The following ADAMTS12 variants were observed in gnomAD, a reference collection of about 807,000 sequenced individuals.
The protein encoded by ADAMTS12 is A disintegrin and metalloproteinase with thrombospondin motifs 12.
ADAMTS12 carries 118 observed loss-of-function variants against 167.8 expected under a neutral mutation model. That is an observed-to-expected ratio of 0.70 (90% CI 0.61 to 0.82). The LOEUF (loss-of-function observed/expected upper bound fraction) is 0.82. ADAMTS12 is among the 40% of genes least tolerant of loss of function. The pLI is 0.00. For synonymous variants in ADAMTS12, 704 were observed against 716.9 expected (o/e 0.98, Z 0.29); for missense variants, 1,916 against 1,998.8 (o/e 0.96, Z 0.79).
chr5:33,795,090 G>A (rs1373719697), intron 2 of ADAMTS12, among the ~76,000 whole-genome samples: 2 of 152,170 alleles, frequency 1.3e-5, no homozygotes, highest in Admixed American at 1.3e-4. Context: ...ATTTTATTTG[G>A]AAACTACATG....
At position 33,683,044 on chromosome 5, in the gene ADAMTS12, G is replaced by T; in HGVS notation, c.889C>A (p.Arg297=). ...IGNAIHIVVV[R]LILLEEEEQG... ...TCTTCTTCTTCGAGTAGAATGAGCC[G>T]AACCACAACAATGTGAATTGCATTG... The change falls in exon 5 of 24, where the codon CGG becomes AGG. Residue 297 remains arginine, a synonymous_variant. Coordinates refer to ENST00000504830, the MANE Select transcript of ADAMTS12 (RefSeq NM_030955.4). 6.2e-7 allele frequency: 1 copy of T among 1,613,064 alleles called. No homozygotes were observed. The highest frequency in any genetic ancestry group is 8.5e-7 in the Non-Finnish European group (1 of 1,179,550).
intron 16 of ADAMTS12, among the ~76,000 whole-genome samples, chr5:33,613,330 T>C (rs1738825832): frequency 6.6e-6 from 1 of 152,234 alleles, no homozygotes; most frequent in African/African-American, 2.4e-5. Context: ...CAGCAGGCCC[T>C]GACCCCTGCC....
intron 12 of ADAMTS12, among the ~76,000 whole-genome samples, chr5:33,635,415 G>A (rs1208834381): frequency 2.0e-5 from 3 of 152,156 alleles, no homozygotes; most frequent in Admixed American, 6.5e-5. Flanking sequence ...TGATGAGGCT[G>A]CAGAGTCAGG....
intron 18 of ADAMTS12, among the ~76,000 whole-genome samples, chr5:33,585,079 A>C (rs970636473): frequency 2.8e-5 from 4 of 144,236 alleles, no homozygotes; most frequent in Non-Finnish European, 4.6e-5. Context: ...CCATCCATCC[A>C]TCCCTCCAAG....
chr5:33,856,550 A>G (rs1463870528), intron 2 of ADAMTS12, among the ~76,000 whole-genome samples: 2 of 152,074 alleles, frequency 1.3e-5, no homozygotes, highest in African/African-American at 4.8e-5. Flanking sequence ...TGAGCCCAAG[A>G]GTTCAAGTCC....
chr5:33,872,483 G>A (rs1750075878), intron 2 of ADAMTS12, among the ~76,000 whole-genome samples: 1 of 151,690 alleles, frequency 6.6e-6, no homozygotes. Flanking sequence ...GGAGGCAGAG[G>A]TTGCAGTGAG....
intron 2 of ADAMTS12, among the ~76,000 whole-genome samples, chr5:33,876,121 A>C (rs1750216242): frequency 6.6e-6 from 1 of 152,224 alleles, no homozygotes; most frequent in Non-Finnish European, 1.5e-5. Context: ...GTTGAAAACT[A>C]CACAACACTG....
chr5:33,527,470 A>G (rs1579620885), intron 23 of ADAMTS12, 104 bp from the exon 24 acceptor site: 3 of 1,146,404 alleles, frequency 2.6e-6, no homozygotes. Context: ...CTACCAAGAA[A>G]GGAGCCATAA....
intron 9 of ADAMTS12, among the ~76,000 whole-genome samples, chr5:33,646,441 G>A (rs1740666195): frequency 6.6e-6 from 1 of 152,058 alleles, no homozygotes; most frequent in Non-Finnish European, 1.5e-5. Flanking sequence ...TTGAGTGAAA[G>A]GGTGACCTGA....
intron 19 of ADAMTS12, among the ~76,000 whole-genome samples, chr5:33,563,747 A>T (rs1016756730): frequency 1.3e-4 from 20 of 152,254 alleles, no homozygotes; most frequent in Admixed American, 7.8e-4. Flanking sequence ...ACCCATGCAC[A>T]CTGCATAGCA....
chr5:33,728,945 CAT>C (rs1324985952), intron 3 of ADAMTS12, among the ~76,000 whole-genome samples: 2 of 152,142 alleles, frequency 1.3e-5, no homozygotes, highest in African/African-American at 4.8e-5. Context: ...CATGATATAT[CAT>C]ATGCATATAT....
intron 2 of ADAMTS12, among the ~76,000 whole-genome samples, chr5:33,799,739 G>C (rs139823960): frequency 6.6e-6 from 1 of 152,290 alleles, no homozygotes; most frequent in East Asian, 1.9e-4. Flanking sequence ...ATAGTTGAGT[G>C]AATATCTGAA....
In ADAMTS12 at chr5:33,658,165, C is replaced by T. The variant is rs764439505; in HGVS notation, c.1190+19G>A. 3.1e-6 allele frequency: 5 copies of T among 1,612,094 alleles called. No homozygotes were observed. Among genetic ancestry groups the T allele is most frequent in the African/African-American group, 2.7e-5 (2 of 74,834 alleles). ...CACATGAATATGGTGAGCAAACCTC[C>T]CTATCATTGGCCCTTTACCTGTGTC... On this transcript the variant is annotated intron_variant, in intron 7 of 23. Coordinates refer to ENST00000504830, the MANE Select transcript of ADAMTS12 (RefSeq NM_030955.4).
chr5:33,552,062 C>T (rs1745273116), intron 20 of ADAMTS12, among the ~76,000 whole-genome samples: 1 of 152,172 alleles, frequency 6.6e-6, no homozygotes, highest in Non-Finnish European at 1.5e-5. Flanking sequence ...ATCCAGTTAC[C>T]ACATCACTAC....
At chr5:33,728,100 C>T (rs1457454974) in intron 3 of ADAMTS12, among the ~76,000 whole-genome samples, 2 of 152,158 alleles carry the variant, frequency 1.3e-5, no homozygotes, top group African/African-American at 4.8e-5. Flanking sequence ...GCACAGGCAA[C>T]AGTTAAATGA....
intron 2 of ADAMTS12, among the ~76,000 whole-genome samples, chr5:33,866,509 G>A (rs959728008): frequency 6.6e-6 from 1 of 151,956 alleles, no homozygotes; most frequent in Non-Finnish European, 1.5e-5. Flanking sequence ...AGAAACCTAG[G>A]AAAAACTCTT....
chr5:33,674,512 A>G (rs917962563), intron 5 of ADAMTS12, among the ~76,000 whole-genome samples: 2 of 152,206 alleles, frequency 1.3e-5, no homozygotes, highest in Non-Finnish European at 2.9e-5. Flanking sequence ...TATGTCCATA[A>G]TAATAAAGGT....
chr5:33,541,715 A>C (rs1644251899), intron 22 of ADAMTS12, among the ~76,000 whole-genome samples: 1 of 152,226 alleles, frequency 6.6e-6, no homozygotes, highest in South Asian at 2.1e-4. Context: ...TTCAACCCAG[A>C]ATTTCATATA....
intron 2 of ADAMTS12, among the ~76,000 whole-genome samples, chr5:33,856,640 C>T (rs546252659): frequency 6.6e-5 from 10 of 151,204 alleles, no homozygotes; most frequent in Non-Finnish European, 7.4e-5. Flanking sequence ...GTAGCAAATA[C>T]GTATATGAAA....
Sources: allele counts gnomAD v4.1 joint callset (sites outside exome capture counted in the v4.1 genomes callset), GRCh38; gene constraint gnomAD v4.1.1; transcripts MANE v1.5; gene names NCBI Gene and HGNC (gene_info 2026-07-23, HGNC 2026-07-21).